GLB1: variants seen among roughly 807,000 people sequenced by gnomAD.
GLB1 encodes galactosidase beta 1.
A neutral mutation model predicts 74.0 loss-of-function variants in GLB1; 56 were observed. That is an observed-to-expected ratio of 0.76 (90% CI 0.61 to 0.94). The LOEUF (loss-of-function observed/expected upper bound fraction) is 0.94. GLB1 is among the 40% of genes least tolerant of loss of function. The probability of loss-of-function intolerance (pLI) is 0.00; values close to 1 mark genes in which losing one functional copy is unlikely to be tolerated. For synonymous variants in GLB1, 323 were observed against 323.6 expected (o/e 1.00, Z 0.02); for missense variants, 787 against 845.5 (o/e 0.93, Z 0.86).
chr3:33,083,193 T>C (rs1253454822), intron 1 of GLB1, among the ~76,000 whole-genome samples: 1 of 151,454 alleles, frequency 6.6e-6, no homozygotes, highest in Non-Finnish European at 1.5e-5. Context: ...AGGTCAGGAG[T>C]TCGAGACCAG....
rs1173151004 is a variant in GLB1 at position 33,018,450 on chromosome 3, C to T, written c.1345G>A (p.Gly449Arg). The change falls in exon 13 of 16, where the codon GGG (glycine) becomes AGG (arginine). Residue 449 changes from glycine to arginine, a missense_variant and splice_region_variant. Gly to Arg is a moderately radical substitution (Grantham distance 125, BLOSUM62 -2). Transcript: ENST00000307363. ...VHDRAYVAVD[G>R]IPQGVLERNN... is the part of the protein sequence containing the mutation. ...CACAGTTCAGAGACGATTCTTACCC[C>T]ATCCACAGCAACATATGCTCGATCG... The T allele has an allele frequency of 6.2e-7, 1 of 1,614,046 alleles. No homozygotes were observed. The highest frequency in any genetic ancestry group is 1.7e-5 in the Admixed American group (1 of 60,002).
At chr3:32,999,838 A>G (rs1696476844) in intron 15 of GLB1, among the ~76,000 whole-genome samples, 1 of 151,898 alleles carries the variant, frequency 6.6e-6, no homozygotes, top group East Asian at 1.9e-4. Flanking sequence ...TTTGGTAGAG[A>G]TGGGGTTTTG....
chr3:33,060,723 A>G (rs1213008262), intron 5 of GLB1, among the ~76,000 whole-genome samples: 1 of 152,232 alleles, frequency 6.6e-6, no homozygotes, highest in African/African-American at 2.4e-5. Context: ...AGAGAGCGAG[A>G]AAAGCACAAT....
intron 6 of GLB1, among the ~76,000 whole-genome samples, chr3:33,056,172 AGCC>A (rs958833406): frequency 2.3e-4 from 33 of 145,888 alleles, no homozygotes; most frequent in African/African-American, 8.1e-4. Context: ...GGTTGCAGTA[AGCC>A]AGGATCGGGT....
chr3:33,088,327 TCA>T, intron 1 of GLB1, among the ~76,000 whole-genome samples: 1 of 150,908 alleles, frequency 6.6e-6, no homozygotes, highest in East Asian at 1.9e-4. Flanking sequence ...AATGATCGAT[TCA>T]CAGATGATAT....
intron 1 of GLB1, chr3:33,096,268 C>G: frequency 2.0e-6 from 1 of 498,996 alleles, no homozygotes; most frequent in Non-Finnish European, 2.6e-6. Flanking sequence ...CTCAGCCAGT[C>G]GCCTCAGCTC....
chr3:32,978,963 A>C, the GLB1 span, among the ~76,000 whole-genome samples: 11 of 117,150 alleles, frequency 9.4e-5, no homozygotes, highest in African/African-American at 3.3e-4. Flanking sequence ...TAGAGACAAT[A>C]TTTCTTTCTT....
At chr3:33,018,690 GA>G in intron 12 of GLB1, 129 bp from the exon 13 acceptor site, 2 of 983,380 alleles carry the variant, frequency 2.0e-6, no homozygotes, top group South Asian at 1.5e-5. Flanking sequence ...TCCACCTCCC[GA>G]AAAAATTAAA....
At chr3:33,061,514 C>T (rs1331017501) in intron 5 of GLB1, among the ~76,000 whole-genome samples, 1 of 152,140 alleles carries the variant, frequency 6.6e-6, no homozygotes, top group African/African-American at 2.4e-5. Flanking sequence ...AGTACAAAAG[C>T]GGCCACAGAT....
chr3:32,988,130 G>A, the GLB1 span, among the ~76,000 whole-genome samples: 3 of 138,468 alleles, frequency 2.2e-5, no homozygotes, highest in African/African-American at 5.4e-5. Context: ...AGGTTGCAGT[G>A]AGCCAAGATT....
At chr3:33,061,272 G>A (rs1699431528) in intron 5 of GLB1, among the ~76,000 whole-genome samples, 2 of 152,138 alleles carry the variant, frequency 1.3e-5, no homozygotes, top group African/African-American at 4.8e-5. Context: ...AAATTAGCCA[G>A]GCATGATGGC....
intron 5 of GLB1, among the ~76,000 whole-genome samples, chr3:33,064,903 A>G (rs765587144): frequency 9.9e-5 from 15 of 152,012 alleles, no homozygotes; most frequent in Non-Finnish European, 2.1e-4. Context: ...TGTACCCCAC[A>G]GTATATTAGT....
At chr3:33,048,531 C>T (rs2125517277) in intron 9 of GLB1, among the ~76,000 whole-genome samples, 1 of 152,340 alleles carries the variant, frequency 6.6e-6, no homozygotes, top group East Asian at 1.9e-4. Flanking sequence ...CACACCTGCA[C>T]AGGCAGGTGC....
chr3:32,979,719 G>A, the GLB1 span, among the ~76,000 whole-genome samples: 2 of 151,778 alleles, frequency 1.3e-5, no homozygotes, highest in African/African-American at 4.8e-5. Context: ...GGGCATGGTG[G>A]CATGTGCCTG....
At chr3:33,038,272 T>C (rs541891868) in intron 10 of GLB1, among the ~76,000 whole-genome samples, 5 of 152,298 alleles carry the variant, frequency 3.3e-5, no homozygotes, top group South Asian at 2.1e-4. Context: ...TGTTGAATGT[T>C]TGTATAATGA....
Position 33,025,003 on chromosome 3 carries a change from T to C in GLB1, c.1069-678A>G, listed in dbSNP as rs537980346. ...TCTTGTTGCCCAGGCTGGAGTGCAATGGCACGATCTCAGCTCACCGCAACC... is the reference window on the plus strand; with the variant it reads ...TCTTGTTGCCCAGGCTGGAGTGCAACGGCACGATCTCAGCTCACCGCAACC... On this transcript the variant is annotated intron_variant, in intron 10 of 15. Coordinates refer to ENST00000307363, the MANE Select transcript of GLB1 (RefSeq NM_000404.4). Among the ~76,000 whole-genome samples the C allele has an allele frequency of 2.6e-5, 4 of 151,886 alleles. No individual in the cohort carries two copies. The East Asian group carries it at 7.8e-4, about 29-fold the overall frequency.
chr3:33,006,957 A>C (rs1696812450), intron 15 of GLB1, among the ~76,000 whole-genome samples: 2 of 152,136 alleles, frequency 1.3e-5, no homozygotes, highest in Admixed American at 1.3e-4. Context: ...CCCTGCATTC[A>C]AACCATGTGC....
chr3:33,080,672 T>C (rs1700291613), intron 1 of GLB1, among the ~76,000 whole-genome samples: 1 of 152,238 alleles, frequency 6.6e-6, no homozygotes, highest in Non-Finnish European at 1.5e-5. Context: ...TCAGGAGGTC[T>C]CAGAAGAATC....
chr3:33,095,314 G>A (rs907423811), intron 1 of GLB1, among the ~76,000 whole-genome samples: 6 of 150,830 alleles, frequency 4.0e-5, no homozygotes, highest in South Asian at 2.1e-4. Context: ...TCAGGAGATC[G>A]AGACCATCCT....
Sources: allele counts gnomAD v4.1 joint callset (sites outside exome capture counted in the v4.1 genomes callset), GRCh38; gene constraint gnomAD v4.1.1; transcripts MANE v1.5; gene names NCBI Gene and HGNC (gene_info 2026-07-23, HGNC 2026-07-21).